EPB41L2: variants seen among roughly 807,000 people sequenced by gnomAD.
EPB41L2 encodes erythrocyte membrane protein band 4.1 like 2.
EPB41L2 carries 43 observed loss-of-function variants against 113.0 expected under a neutral mutation model. That is an observed-to-expected ratio of 0.38 (90% CI 0.30 to 0.49). The LOEUF is 0.49. Among genes scored for constraint, EPB41L2 ranks in the 20% least tolerant of loss-of-function variants. EPB41L2 has a pLI of 0.95. For synonymous variants in EPB41L2, 442 were observed against 436.7 expected (o/e 1.01, Z -0.15); for missense variants, 1,147 against 1,223.4 (o/e 0.94, Z 0.93).
intron 11 of EPB41L2, among the ~76,000 whole-genome samples, chr6:130,885,513 G>C (rs1384956104): frequency 6.6e-6 from 1 of 152,148 alleles, no homozygotes; most frequent in African/African-American, 2.4e-5. Flanking sequence ...ACAGGTATTG[G>C]AAGGATAAAC....
At chr6:130,986,267 T>C (rs1338309577) in intron 1 of EPB41L2, among the ~76,000 whole-genome samples, 1 of 152,132 alleles carries the variant, frequency 6.6e-6, no homozygotes, top group Non-Finnish European at 1.5e-5. Flanking sequence ...CCAGCATCCT[T>C]TTCACAATAA....
In EPB41L2 at chr6:130,950,113, C is replaced by A. The variant is rs568364374; in HGVS notation, c.705+4992G>T. Reference sequence around the variant, plus strand: ...AACTCCCTCCTTGTTCAAGGGTCAACTGTATTTCAAATTTGTACAATCAAT... The same window carrying A: ...AACTCCCTCCTTGTTCAAGGGTCAAATGTATTTCAAATTTGTACAATCAAT... On this transcript the variant is annotated intron_variant, in intron 3 of 19. Transcript: ENST00000337057. Among the ~76,000 whole-genome samples, 11 of 152,196 alleles carry A rather than the reference C, an allele frequency of 7.2e-5. No individual in the cohort carries two copies. The South Asian group carries it at 2.3e-3, about 32-fold the overall frequency.
At chr6:130,982,050 T>C (rs1554314155) in intron 1 of EPB41L2, among the ~76,000 whole-genome samples, 3 of 152,012 alleles carry the variant, frequency 2.0e-5, no homozygotes, top group Non-Finnish European at 4.4e-5. Context: ...CACTGATTTA[T>C]TTTGAGCTTT....
chr6:131,048,480 CT>C (rs1158111625), intron 1 of EPB41L2, among the ~76,000 whole-genome samples: 1 of 152,156 alleles, frequency 6.6e-6, no homozygotes, highest in Non-Finnish European at 1.5e-5. Context: ...GATCTATTTT[CT>C]GTTATTCCAC....
At chr6:130,946,509 GTAC>G (rs2128598965) in intron 3 of EPB41L2, among the ~76,000 whole-genome samples, 1 of 152,180 alleles carries the variant, frequency 6.6e-6, no homozygotes, top group South Asian at 2.1e-4. Flanking sequence ...TTTAAAAACA[GTAC>G]TGTATTGGTT....
chr6:130,980,070 A>T (rs983821871), intron 1 of EPB41L2, among the ~76,000 whole-genome samples: 5 of 152,196 alleles, frequency 3.3e-5, no homozygotes, highest in African/African-American at 9.7e-5. Flanking sequence ...GGGAGGCATG[A>T]CCAACAGGGG....
chr6:130,938,070 T>C (rs1729717108), intron 3 of EPB41L2, among the ~76,000 whole-genome samples: 2 of 152,220 alleles, frequency 1.3e-5, no homozygotes, highest in Admixed American at 6.5e-5. Flanking sequence ...AATAATCTTA[T>C]ATCACTTAAA....
At chr6:130,928,447 A>G (rs958547759) in intron 3 of EPB41L2, among the ~76,000 whole-genome samples, 4 of 152,264 alleles carry the variant, frequency 2.6e-5, no homozygotes, top group South Asian at 2.1e-4. Context: ...GTTGCAGTAC[A>G]TAACAATTGG....
At position 130,876,948 on chromosome 6, in the gene EPB41L2, A is replaced by G. The variant is rs79463371; in HGVS notation, c.2043+1156T>C. Among the ~76,000 whole-genome samples, 3,037 of 152,272 alleles carry G rather than the reference A, an allele frequency of 0.02. 198 individuals carry two copies. In the East Asian group the frequency reaches 0.26, roughly 13 times the overall value. ...GCATCAGACCCTTTCTCCAGAAAAC[A>G]CAACATTCTGGAATAGACTGCTGAA... On this transcript the variant is annotated intron_variant, in intron 14 of 19. Transcript: ENST00000337057.
At chr6:130,957,774 T>C (rs1817951653) in intron 1 of EPB41L2, among the ~76,000 whole-genome samples, 2 of 152,234 alleles carry the variant, frequency 1.3e-5, no homozygotes, top group Non-Finnish European at 2.9e-5. Flanking sequence ...GTTAGTGATT[T>C]TGAGTATACT....
chr6:130,980,040 C>A lies in EPB41L2; in HGVS notation c.-14-23541G>T, dbSNP rs78998772. Among the ~76,000 whole-genome samples, 8 of 152,198 alleles carry A rather than the reference C, an allele frequency of 5.3e-5. No homozygotes were observed. The East Asian group carries it at 1.5e-3, about 29-fold the overall frequency. ...AGAAAGGAAAACAAGAAACTACTGACGAGAAAGAAGAGTCTAACGGGGAGG... is the reference window on the plus strand; with the variant it reads ...AGAAAGGAAAACAAGAAACTACTGAAGAGAAAGAAGAGTCTAACGGGGAGG... On this transcript the variant is annotated intron_variant, in intron 1 of 19. Coordinates refer to ENST00000337057, the MANE Select transcript of EPB41L2 (RefSeq NM_001431.4).
chr6:131,001,218 C>T (rs897342730), intron 1 of EPB41L2, among the ~76,000 whole-genome samples: 2 of 152,118 alleles, frequency 1.3e-5, no homozygotes, highest in African/African-American at 2.4e-5. Flanking sequence ...GAATCAGTCA[C>T]GTCTACGTCC....
At chr6:130,903,988 TAC>T (rs902134654) in intron 6 of EPB41L2, among the ~76,000 whole-genome samples, 38 of 152,310 alleles carry the variant, frequency 2.5e-4, no homozygotes, top group African/African-American at 9.1e-4. Flanking sequence ...CTATTGACTC[TAC>T]ATAAGAAATC....
intron 1 of EPB41L2, among the ~76,000 whole-genome samples, chr6:131,013,306 C>A (rs1353732085): frequency 6.6e-6 from 1 of 151,924 alleles, no homozygotes. Flanking sequence ...CCAAAATTTA[C>A]TTCACTCTAA....
chr6:130,869,686 A>G lies in EPB41L2; in HGVS notation c.2484T>C (p.Ser828=), dbSNP rs746481568. 6.2e-7 allele frequency: 1 copy of G among 1,613,032 alleles called. No individual in the cohort carries two copies. The highest frequency in any genetic ancestry group is 1.1e-5 in the South Asian group (1 of 91,006). The change falls in exon 15 of 20, where the codon AGT becomes AGC. Residue 828 remains serine (S), a synonymous_variant. Coordinates refer to ENST00000337057, the MANE Select transcript of EPB41L2 (RefSeq NM_001431.4). ...CTTGCTTAAGAGCGCCTTCGTGTAC[A>G]CTCTTCTCTCCGGGTATCTTTTGGG... The part of the protein sequence containing the change: ...VGAQKIPGEK[S]VHEGALKQDM...
intron 1 of EPB41L2, among the ~76,000 whole-genome samples, chr6:131,054,248 G>T (rs1484109721): frequency 6.6e-6 from 1 of 152,126 alleles, no homozygotes; most frequent in Non-Finnish European, 1.5e-5. Flanking sequence ...TTGTAACGGG[G>T]TTTCTCATTT....
intron 4 of EPB41L2, among the ~76,000 whole-genome samples, chr6:130,918,385 C>A (rs1801789160): frequency 1.3e-5 from 2 of 152,002 alleles, no homozygotes; most frequent in Non-Finnish European, 2.9e-5. Context: ...CTATTAACAT[C>A]AAAAATTCAA....
At chr6:130,975,982 T>A (rs1478334923) in intron 1 of EPB41L2, among the ~76,000 whole-genome samples, 1 of 152,072 alleles carries the variant, frequency 6.6e-6, no homozygotes, top group Non-Finnish European at 1.5e-5. Flanking sequence ...GAACCAAGAT[T>A]GCACCATTGC....
chr6:131,020,178 C>G (rs1446477516), intron 1 of EPB41L2, among the ~76,000 whole-genome samples: 1 of 151,940 alleles, frequency 6.6e-6, no homozygotes, highest in Non-Finnish European at 1.5e-5. Flanking sequence ...AAAGGGTTAT[C>G]CTTTATTGGG....
Sources: allele counts gnomAD v4.1 joint callset (sites outside exome capture counted in the v4.1 genomes callset), GRCh38; gene constraint gnomAD v4.1.1; transcripts MANE v1.5; gene names NCBI Gene and HGNC (gene_info 2026-07-23, HGNC 2026-07-21).